Variants in SEC22A observed in about 807,000 individuals in gnomAD.
SEC22A encodes SEC22 homolog A, vesicle trafficking protein.
Under a neutral mutation model 35.3 loss-of-function variants are expected in SEC22A, and 22 were observed. The observed-to-expected ratio is 0.62, with a 90% CI of 0.45 to 0.89. The LOEUF (loss-of-function observed/expected upper bound fraction) is 0.89. SEC22A is among the 40% of genes least tolerant of loss of function. The probability of loss-of-function intolerance (pLI) is 0.00; values close to 1 mark genes in which losing one functional copy is unlikely to be tolerated. For missense variants in SEC22A, 354 were observed against 362.5 expected (o/e 0.98, Z 0.19); for synonymous variants, 119 against 129.5 (o/e 0.92, Z 0.55).
intron 2 of SEC22A, among the ~76,000 whole-genome samples, chr3:123,221,664 G>A (rs1486650567): frequency 6.6e-6 from 1 of 151,784 alleles, no homozygotes; most frequent in African/African-American, 2.4e-5. Context: ...ATTTATTATA[G>A]TGGGGTATAT....
intron 2 of SEC22A, among the ~76,000 whole-genome samples, chr3:123,213,452 C>A (rs535424682): frequency 1.3e-5 from 2 of 152,172 alleles, no homozygotes; most frequent in Non-Finnish European, 2.9e-5. Flanking sequence ...TTTCTCCTAG[C>A]CATATTAAAT....
At chr3:123,209,154 T>G in intron 1 of SEC22A, 45 bp from the exon 2 acceptor site, 1 of 1,466,230 alleles carries the variant, frequency 6.8e-7, no homozygotes, top group Non-Finnish European at 9.5e-7. Context: ...CTTATCAAGT[T>G]TGGCTTTAAT....
At chr3:123,248,468 A>G (rs918774404) in intron 5 of SEC22A, among the ~76,000 whole-genome samples, 19 of 152,306 alleles carry the variant, frequency 1.2e-4, no homozygotes, top group African/African-American at 4.1e-4. Context: ...AATTAAAAAT[A>G]TAATACCATT....
chr3:123,246,682 T>G (rs1352999572), intron 5 of SEC22A, among the ~76,000 whole-genome samples: 1 of 152,234 alleles, frequency 6.6e-6, no homozygotes, highest in Non-Finnish European at 1.5e-5. Flanking sequence ...TTGAAATTTT[T>G]TTTTAAGTTT....
At position 123,223,669 on chromosome 3, in the gene SEC22A, A is replaced by C. The variant is rs1224639939; in HGVS notation, c.293A>C (p.Tyr98Ser). Reference protein sequence around the residue: ...DELQKEFITTYNMMKTNTAVR... With the variant: ...DELQKEFITTSNMMKTNTAVR... ...CTTCAGAAGGAGTTCATTACTACTT[A>C]TAACATGATGAAGACAAATACTGCT... The change falls in exon 3 of 7, where the codon TAT becomes TCT. Residue 98 changes from tyrosine to serine, a missense_variant. By Grantham distance (144) the Tyr-to-Ser change is moderately radical. Transcript: ENST00000492595. 1 of 1,613,616 alleles carries C rather than the reference A, an allele frequency of 6.2e-7. No individual in the cohort carries two copies. The highest frequency in any genetic ancestry group is 1.7e-5 in the Admixed American group (1 of 60,018).
In SEC22A at chr3:123,201,982, G is replaced by C. The variant is rs932508854; in HGVS notation, c.-24G>C. 2.0e-5 allele frequency: 3 copies of C among 152,568 alleles called. No homozygotes were observed. Among genetic ancestry groups the C allele is most frequent in the African/African-American group, 7.2e-5 (3 of 41,392 alleles). The allele number at this position is 152,568 out of a possible 1,614,324, so 9.5% of individuals were successfully genotyped here. On this transcript the variant is annotated 5_prime_UTR_variant, in exon 1 of 7. Coordinates refer to ENST00000492595, the MANE Select transcript of SEC22A (RefSeq NM_012430.5). The stretch of plus-strand genomic sequence containing the variant: ...CACTCGGAGCGGCGGGTCCCGTCTC[G>C]ACAGGTACTCCCCGGCCCCTCCCAG...
rs576491517 is a variant in SEC22A, at chr3:123,204,277, AAAGT to A, written c.-20+2296_-20+2299del. Among the ~76,000 whole-genome samples the A allele has an allele frequency of 3.9e-3, 590 of 152,362 alleles. 2 individuals are homozygous for A. Among genetic ancestry groups the A allele is most frequent in the Admixed American group, 8.4e-3 (129 of 15,302 alleles). ...TATTGCTAAAAAATAAAGGACAAGA[AAAGT>A]AAGTCAATTCAAAGACCAATATTAG... On this transcript the variant is annotated intron_variant, in intron 1 of 6. Transcript: ENST00000492595.
intron 4 of SEC22A, 30 bp downstream of exon 4, chr3:123,225,327 TA>T (rs370426629): frequency 6.4e-6 from 9 of 1,399,748 alleles, no homozygotes; most frequent in Non-Finnish European, 5.8e-6. Flanking sequence ...TATTTTATTT[TA>T]AAAAAATCCT....
At chr3:123,210,764 A>G (rs1348253922) in intron 2 of SEC22A, among the ~76,000 whole-genome samples, 1 of 152,222 alleles carries the variant, frequency 6.6e-6, no homozygotes, top group African/African-American at 2.4e-5. Flanking sequence ...CAGTCCATAT[A>G]GGATATAATA....
chr3:123,272,572 A>G lies in SEC22A; in HGVS notation c.*850A>G, dbSNP rs1938197870. The G allele has an allele frequency of 6.6e-6, 1 of 152,226 alleles. No individual in the cohort carries two copies. 9.4% of individuals were successfully genotyped at this position (152,226 alleles called of 1,614,324 possible). A position where few individuals can be genotyped will look rare whatever the true frequency, so the allele number is the denominator to read the frequency against. On this transcript the variant is annotated 3_prime_UTR_variant, in exon 7 of 7. Transcript: ENST00000492595. ...TTTGCCATAAATAAAAGGTAACCAC[A>G]AAATAAGTAAGATGAACACAAAAAA...
chr3:123,256,258 G>T (rs9883964), intron 5 of SEC22A, among the ~76,000 whole-genome samples: 29,887 of 152,054 alleles, frequency 0.2, 3,044 homozygotes, highest in Middle Eastern at 0.27. Context: ...TAGATCTCTG[G>T]ATCAAACTCT....
chr3:123,210,987 T>C (rs967841284), intron 2 of SEC22A, among the ~76,000 whole-genome samples: 3 of 152,100 alleles, frequency 2.0e-5, no homozygotes, highest in African/African-American at 7.2e-5. Flanking sequence ...TGATAATCAT[T>C]GTGGGGCCAG....
intron 1 of SEC22A, among the ~76,000 whole-genome samples, chr3:123,202,925 A>G (rs1387917072): frequency 1.3e-5 from 2 of 152,158 alleles, no homozygotes; most frequent in Admixed American, 6.5e-5. Context: ...AATGCCTTAA[A>G]CGGTACCTAC....
chr3:123,207,680 G>T (rs1936873771), intron 1 of SEC22A, among the ~76,000 whole-genome samples: 1 of 152,188 alleles, frequency 6.6e-6, no homozygotes, highest in African/African-American at 2.4e-5. Flanking sequence ...TCAGAAATCT[G>T]CATTTTTAAC....
At chr3:123,267,052 T>C (rs1938043648) in intron 6 of SEC22A, among the ~76,000 whole-genome samples, 1 of 152,132 alleles carries the variant, frequency 6.6e-6, no homozygotes, top group African/African-American at 2.4e-5. Context: ...TTGATATTTA[T>C]CTGGTATCAA....
rs529531531 is a variant in SEC22A at position 123,234,937 on chromosome 3, G to A, written c.541+9640G>A. On this transcript the variant is annotated intron_variant, in intron 4 of 6. Transcript: ENST00000492595. Reference sequence around the variant, plus strand: ...ACTCGGGAGGCTGAGGTGGGAGGACGGCTTGAGCCTAGGAGGCGGAGGTTA... The same window carrying A: ...ACTCGGGAGGCTGAGGTGGGAGGACAGCTTGAGCCTAGGAGGCGGAGGTTA... 2.7e-3 allele frequency among the ~76,000 whole-genome samples: 405 copies of A among 151,946 alleles called. 2 individuals are homozygous for A. In the South Asian group the frequency reaches 0.038, roughly 14 times the overall value.
rs200139005 is a variant in SEC22A, at chr3:123,241,949, G to GAA, written c.542-3936_542-3935dup. Among the ~76,000 whole-genome samples the GAA allele has an allele frequency of 1.2e-4, 17 of 144,966 alleles. No individual in the cohort carries two copies. In the East Asian group the frequency reaches 3.2e-3, roughly 28 times the overall value. On this transcript the variant is annotated intron_variant, in intron 4 of 6. Coordinates refer to ENST00000492595, the MANE Select transcript of SEC22A (RefSeq NM_012430.5). Reference sequence around the variant, plus strand: ...TAAAAAGCCCTCAACCACTTTTCTGGAAAAAAAAAAAAAAATTTTAAGGAG... The same window carrying GAA: ...TAAAAAGCCCTCAACCACTTTTCTGGAAAAAAAAAAAAAAAAATTTTAAGGAG...
At chr3:123,241,815 G>C (rs1204000731) in intron 4 of SEC22A, among the ~76,000 whole-genome samples, 1 of 152,024 alleles carries the variant, frequency 6.6e-6, no homozygotes, top group African/African-American at 2.4e-5. Context: ...CCATGAAAAA[G>C]ATGAGATCCA....
At chr3:123,255,918 C>T (rs949990714) in intron 5 of SEC22A, among the ~76,000 whole-genome samples, 179 of 142,250 alleles carry the variant, frequency 1.3e-3, no homozygotes, top group African/African-American at 3.7e-3. Flanking sequence ...TTACTTTCTT[C>T]TTTCTTTTTT....
Sources: gnomAD v4.1 joint callset for allele counts (sites outside exome capture counted in the v4.1 genomes callset) on GRCh38, gnomAD v4.1.1 for gene constraint, MANE v1.5 for transcripts, NCBI Gene and HGNC (gene_info 2026-07-23, HGNC 2026-07-21) for gene names.